AK5: variants seen among roughly 807,000 people sequenced by gnomAD.
AK5 encodes the protein adenylate kinase isoenzyme 5.
Under a neutral mutation model 69.5 loss-of-function variants are expected in AK5, and 27 were observed. The observed-to-expected ratio is 0.39, with a 90% confidence interval of 0.29 to 0.54. The LOEUF is 0.54. AK5 is among the 20% of genes least tolerant of loss of function. The pLI, the probability that AK5 is intolerant of heterozygous loss-of-function variation, is 0.71. For synonymous variants in AK5, 260 were observed against 244.4 expected (o/e 1.06, Z -0.60); for missense variants, 531 against 700.4 (o/e 0.76, Z 2.73).
intron 13 of AK5, among the ~76,000 whole-genome samples, chr1:77,541,317 AG>A (rs1659260464): frequency 6.6e-6 from 1 of 152,170 alleles, no homozygotes; most frequent in South Asian, 2.1e-4. Context: ...ACAGCCACTC[AG>A]GGGACTAAGG....
chr1:77,496,453 G>A (rs1231566404), intron 10 of AK5, among the ~76,000 whole-genome samples: 1 of 152,218 alleles, frequency 6.6e-6, no homozygotes, highest in Admixed American at 6.5e-5. Context: ...ACCAGGACAG[G>A]AAGCCTAGGC....
chr1:77,496,510 G>A (rs1656324171), intron 10 of AK5, among the ~76,000 whole-genome samples: 2 of 152,080 alleles, frequency 1.3e-5, no homozygotes, highest in African/African-American at 2.4e-5. Flanking sequence ...ATTCAGGTAA[G>A]GAAAAAGGAG....
Position 77,287,083 on chromosome 1 carries a change from C to T in AK5, c.203C>T (p.Pro68Leu), listed in dbSNP as rs1317774276. ...GTAAGCCAGGAAAAGAAGACCTTAC[C>T]TCCACTAAATGGAGGACAGTCACGG... ...TFVSQEKKTL[P>L]PLNGGQSRRS... Residue 68 changes from proline (P) to leucine (L), a missense_variant, in exon 2 of 14, where the codon CCT (proline) becomes CTT (leucine). Pro to Leu is a moderately conservative substitution (Grantham distance 98). Transcript: ENST00000354567. The T allele has an allele frequency of 8.7e-6, 14 of 1,606,770 alleles. No individual in the cohort carries two copies. Among genetic ancestry groups the T allele is most frequent in the Non-Finnish European group, 1.2e-5 (14 of 1,176,370 alleles).
intron 5 of AK5, among the ~76,000 whole-genome samples, chr1:77,328,814 T>G (rs1405924700): frequency 6.6e-6 from 1 of 152,214 alleles, no homozygotes; most frequent in Non-Finnish European, 1.5e-5. Context: ...AAATGGATAG[T>G]GTCTTAGTTC....
At chr1:77,321,315 T>G (rs1237203315) in intron 5 of AK5, among the ~76,000 whole-genome samples, 1 of 151,916 alleles carries the variant, frequency 6.6e-6, no homozygotes, top group Non-Finnish European at 1.5e-5. Context: ...CTACTAAAAA[T>G]ACAAAACAGC....
intron 13 of AK5, among the ~76,000 whole-genome samples, chr1:77,547,228 A>ATATCCTAAG (rs1659587225): frequency 6.6e-6 from 1 of 151,228 alleles, no homozygotes; most frequent in South Asian, 2.1e-4. Flanking sequence ...TTAACCTAAT[A>ATATCCTAAG]TATCCTAAGT....
intron 8 of AK5, among the ~76,000 whole-genome samples, chr1:77,458,338 G>A (rs1653627288): frequency 1.3e-5 from 2 of 151,936 alleles, no homozygotes; most frequent in African/African-American, 4.8e-5. Context: ...TCTCCTCTCT[G>A]ACAGTGACCC....
chr1:77,460,744 G>A (rs1243782984), intron 8 of AK5, among the ~76,000 whole-genome samples: 1 of 151,442 alleles, frequency 6.6e-6, no homozygotes, highest in African/African-American at 2.4e-5. Context: ...TTCTTTTTGA[G>A]ACAGAGTCTC....
chr1:77,383,317 A>G (rs1647780149), intron 6 of AK5, among the ~76,000 whole-genome samples: 1 of 152,200 alleles, frequency 6.6e-6, no homozygotes, highest in Non-Finnish European at 1.5e-5. Context: ...CTATATTATT[A>G]AGGATTCCTG....
chr1:77,282,699 C>G, intron 1 of AK5: 1 of 1,103,796 alleles, frequency 9.1e-7, no homozygotes, highest in Non-Finnish European at 1.1e-6. Context: ...GCCGCACTCT[C>G]TGGGGGCGAG....
intron 10 of AK5, among the ~76,000 whole-genome samples, chr1:77,504,410 T>C (rs546214012): frequency 4.8e-5 from 7 of 147,354 alleles, no homozygotes; most frequent in African/African-American, 1.7e-4. Flanking sequence ...TTGATTTATA[T>C]TCCTCTTAGT....
intron 10 of AK5, among the ~76,000 whole-genome samples, chr1:77,488,304 C>A (rs539274162): frequency 6.6e-6 from 1 of 152,124 alleles, no homozygotes; most frequent in Non-Finnish European, 1.5e-5. Context: ...AACCCAATGT[C>A]ATAATTGCAA....
intron 13 of AK5, 135 bp from the exon 14 acceptor site, chr1:77,558,467 C>A: frequency 1.9e-6 from 1 of 529,418 alleles, no homozygotes; most frequent in Non-Finnish European, 3.4e-6. Context: ...TCACTTTTTT[C>A]TCTGTGTTTT....
At chr1:77,544,996 A>T (rs143158749) in intron 13 of AK5, among the ~76,000 whole-genome samples, 39 of 152,316 alleles carry the variant, frequency 2.6e-4, no homozygotes, top group Non-Finnish European at 4.3e-4. Context: ...TGACATTGTG[A>T]TGGCTACCAC....
intron 1 of AK5, among the ~76,000 whole-genome samples, chr1:77,285,823 G>C (rs6669724): frequency 0.1 from 15,094 of 151,648 alleles, 925 homozygotes; most frequent in East Asian, 0.2. Context: ...ATTTTTTTGA[G>C]TCTCAGTTAG....
At chr1:77,343,827 C>G (rs1480662442) in intron 6 of AK5, among the ~76,000 whole-genome samples, 1 of 152,166 alleles carries the variant, frequency 6.6e-6, no homozygotes, top group African/African-American at 2.4e-5. Context: ...AAATGCTCAT[C>G]TTTTAGAATC....
At chr1:77,403,051 G>C (rs1570509261) in intron 6 of AK5, among the ~76,000 whole-genome samples, 1 of 152,286 alleles carries the variant, frequency 6.6e-6, no homozygotes, top group East Asian at 1.9e-4. Context: ...GGCCAGTGAT[G>C]ATGAGCATTT....
intron 12 of AK5, among the ~76,000 whole-genome samples, chr1:77,532,878 A>G (rs1249654633): frequency 6.6e-6 from 1 of 152,212 alleles, no homozygotes; most frequent in Non-Finnish European, 1.5e-5. Context: ...TCGTCTGCTT[A>G]CTTGATGTTG....
chr1:77,294,031 T>A, intron 3 of AK5, 71 bp downstream of exon 3: 1 of 1,402,466 alleles, frequency 7.1e-7, no homozygotes, highest in Non-Finnish European at 9.8e-7. Flanking sequence ...TTCAAAAAAG[T>A]AAATCATATA....
Sources: gnomAD v4.1 joint callset for allele counts (sites outside exome capture counted in the v4.1 genomes callset) on GRCh38, gnomAD v4.1.1 for gene constraint, MANE v1.5 for transcripts, NCBI Gene and HGNC (gene_info 2026-07-23, HGNC 2026-07-21) for gene names.